WIPI2: variants seen among roughly 807,000 people sequenced by gnomAD.
WIPI2 encodes the protein WD repeat domain, phosphoinositide interacting 2.
A neutral mutation model predicts 52.3 loss-of-function variants in WIPI2; 28 were observed. That is an observed-to-expected ratio of 0.54 (90% CI 0.40 to 0.73). WIPI2 has a LOEUF of 0.73. Ranked by LOEUF, WIPI2 falls within the 30% of genes least tolerant of loss-of-function variation. WIPI2 has a pLI of 0.00. For synonymous variants in WIPI2, 268 were observed against 245.0 expected, an observed-to-expected ratio of 1.09 and a Z score of -0.88; for missense variants, 506 against 602.9, an observed-to-expected ratio of 0.84 and a Z score of 1.68.
At chr7:5,211,420 C>T (rs1167413071) in intron 3 of WIPI2, among the ~76,000 whole-genome samples, 1 of 152,162 alleles carries the variant, frequency 6.6e-6, no homozygotes, top group African/African-American at 2.4e-5. Context: ...TGCAGTGAGT[C>T]GAGATCACGC....
rs973440008 is a variant in WIPI2 at position 5,214,762 on chromosome 7, A to G, written c.381+58A>G. On this transcript the variant is annotated intron_variant, in intron 4 of 12. Coordinates refer to ENST00000288828, the MANE Select transcript of WIPI2 (RefSeq NM_015610.4). ...CTGTTGCTCCCTCCAGCACTCTGGG[A>G]CAAGCCCACCCCACCGGCATGCCCC... The G allele has an allele frequency of 5.0e-6, 8 of 1,587,718 alleles. No individual in the cohort carries two copies. In the African/African-American group the frequency reaches 9.4e-5, roughly 19 times the overall value.
rs1239268249 is a variant in WIPI2, at chr7:5,230,058, C to T, written c.1252+320C>T. Among the ~76,000 whole-genome samples the T allele has an allele frequency of 6.6e-6, 1 of 151,966 alleles. No homozygotes were observed. The highest frequency in any genetic ancestry group is 1.5e-5 in the Non-Finnish European group (1 of 67,996). Reference sequence around the variant, plus strand: ...ACAGTGCTGGGATTATAGGCATGAGCCACCGTACCAGGCTCATTTTCTCCG... The same window carrying T: ...ACAGTGCTGGGATTATAGGCATGAGTCACCGTACCAGGCTCATTTTCTCCG... On this transcript the variant is annotated intron_variant, in intron 12 of 12. Coordinates refer to ENST00000288828, the MANE Select transcript of WIPI2 (RefSeq NM_015610.4). This position sits in a 1 kb window ranked among gnomAD's most constrained non-coding sequence, Gnocchi z 4.8.
intron 7 of WIPI2, 100 bp downstream of exon 7, chr7:5,218,114 AC>A: frequency 3.9e-6 from 5 of 1,279,680 alleles, no homozygotes; most frequent in Non-Finnish European, 5.6e-6. Flanking sequence ...TCCTATACTT[AC>A]CAGCTCCGGG....
chr7:5,216,425 C>T (rs1448394695), intron 4 of WIPI2, 138 bp from the exon 5 acceptor site: 1 of 678,214 alleles, frequency 1.5e-6, no homozygotes, highest in Non-Finnish European at 2.5e-6. Context: ...CAGCGAGACA[C>T]TGACTCCAAA....
chr7:5,199,990 G>C (rs960432669), intron 3 of WIPI2, among the ~76,000 whole-genome samples: 1 of 152,158 alleles, frequency 6.6e-6, no homozygotes, highest in South Asian at 2.1e-4. Context: ...GTCATAAAGG[G>C]CTTCCAGAAA....
chr7:5,217,636 T>C, intron 6 of WIPI2: 3 of 451,010 alleles, frequency 6.7e-6, no homozygotes, highest in Non-Finnish European at 8.2e-6. Context: ...TCTGGCTCAT[T>C]CTGCTTCTGG....
chr7:5,216,100 G>C (rs2115277192), intron 4 of WIPI2: 1 of 155,386 alleles, frequency 6.4e-6, no homozygotes, highest in Admixed American at 6.3e-5. Context: ...CATCCGGCCT[G>C]GCTCCTTCTT....
intron 3 of WIPI2, among the ~76,000 whole-genome samples, chr7:5,202,464 C>A (rs1024633680): frequency 1.3e-5 from 2 of 152,050 alleles, no homozygotes; most frequent in African/African-American, 4.8e-5. Context: ...GCTCACTGTA[C>A]CCTTGACCTC....
At chr7:5,199,088 A>G (rs944835570) in intron 2 of WIPI2, among the ~76,000 whole-genome samples, 3 of 152,182 alleles carry the variant, frequency 2.0e-5, no homozygotes, top group Admixed American at 6.5e-5. Flanking sequence ...AGCAGGATCA[A>G]TCTTAGCTCA....
At chr7:5,225,282 A>G (rs1783371258) in intron 8 of WIPI2, among the ~76,000 whole-genome samples, 1 of 152,156 alleles carries the variant, frequency 6.6e-6, no homozygotes, top group Admixed American at 6.5e-5. Context: ...CTGGGACTAC[A>G]GGCACCCGCC....
At chr7:5,223,899 C>T (rs934981025) in intron 8 of WIPI2, among the ~76,000 whole-genome samples, 2 of 152,252 alleles carry the variant, frequency 1.3e-5, no homozygotes, top group Non-Finnish European at 2.9e-5. Context: ...GTGGGCCCGC[C>T]CTGTGCCTCT....
chr7:5,209,057 T>C (rs1294924143), intron 3 of WIPI2, among the ~76,000 whole-genome samples: 1 of 151,164 alleles, frequency 6.6e-6, no homozygotes, highest in Admixed American at 6.6e-5. Context: ...TTACATCTTT[T>C]GTAAAATTTA....
At chr7:5,209,862 C>T (rs1056506417) in intron 3 of WIPI2, among the ~76,000 whole-genome samples, 1 of 152,060 alleles carries the variant, frequency 6.6e-6, no homozygotes, top group South Asian at 2.1e-4. Context: ...TATCCCCCAG[C>T]CCCTCCCATA....
At chr7:5,192,077 A>G (rs1023063481) in intron 1 of WIPI2, among the ~76,000 whole-genome samples, 1 of 152,182 alleles carries the variant, frequency 6.6e-6, no homozygotes, top group African/African-American at 2.4e-5. Flanking sequence ...TTTACAGAGT[A>G]GAATTCTGAA....
chr7:5,207,634 A>G (rs77323228), intron 3 of WIPI2, among the ~76,000 whole-genome samples: 3,433 of 152,216 alleles, frequency 0.023, 121 homozygotes, highest in African/African-American at 0.078. Flanking sequence ...TTAGATAAAT[A>G]TTGTAGTGGA....
intron 8 of WIPI2, among the ~76,000 whole-genome samples, chr7:5,224,037 T>C (rs963034116): frequency 1.3e-5 from 2 of 152,214 alleles, no homozygotes; most frequent in African/African-American, 4.8e-5. Context: ...ACACCCCACC[T>C]GACATCTCCC....
chr7:5,206,722 A>G (rs1210269497), intron 3 of WIPI2, among the ~76,000 whole-genome samples: 2 of 152,262 alleles, frequency 1.3e-5, no homozygotes, highest in Non-Finnish European at 2.9e-5. Flanking sequence ...ACATTTTACT[A>G]TACTTGTCCT....
intron 3 of WIPI2, among the ~76,000 whole-genome samples, chr7:5,205,327 T>A (rs1467068781): frequency 6.6e-6 from 1 of 152,222 alleles, no homozygotes; most frequent in African/African-American, 2.4e-5. Context: ...CCAGAGTGAT[T>A]GGTCGTTCAT....
At chr7:5,229,804 C>A in intron 12 of WIPI2, 66 bp downstream of exon 12, 1 of 1,588,018 alleles carries the variant, frequency 6.3e-7, no homozygotes, top group Non-Finnish European at 8.6e-7. Flanking sequence ...CTGCCTTCTG[C>A]TGGCTCCGGA....
Sources: allele counts gnomAD v4.1 joint callset (sites outside exome capture counted in the v4.1 genomes callset), GRCh38; gene constraint gnomAD v4.1.1; non-coding constraint Gnocchi (gnomAD v3.1); transcripts MANE v1.5; gene names NCBI Gene and HGNC (gene_info 2026-07-23, HGNC 2026-07-21).